The following TAB2 variants were observed in gnomAD, a reference collection of about 807,000 sequenced individuals.
The protein encoded by TAB2 is TGF-beta-activated kinase 1 and MAP3K7-binding protein 2.
A neutral mutation model predicts 65.0 loss-of-function variants in TAB2; 3 were observed. That is an observed-to-expected ratio of 0.05 (90% confidence interval 0.02 to 0.12). TAB2 has a LOEUF of 0.12. Among genes scored for constraint, TAB2 ranks in the 10% least tolerant of loss-of-function variants. The probability of loss-of-function intolerance (pLI) is 1.00; values close to 1 mark genes in which losing one functional copy is unlikely to be tolerated. For synonymous variants in TAB2, 298 were observed against 285.1 expected, an observed-to-expected ratio of 1.05 and a Z score of -0.46; for missense variants, 623 against 840.3, an observed-to-expected ratio of 0.74 and a Z score of 3.20.
chr6:149,292,253 G>A (rs890345666), intron 1 of TAB2, among the ~76,000 whole-genome samples: 3 of 152,116 alleles, frequency 2.0e-5, no homozygotes, highest in Non-Finnish European at 4.4e-5. Flanking sequence ...AGAGTAAATG[G>A]TTTAGTACAT....
Position 149,379,308 on chromosome 6 carries a change from A to G in TAB2, c.1393A>G (p.Lys465Glu). The change falls in exon 3 of 7, where the codon AAA (lysine) becomes GAA (glutamate). Residue 465 changes from lysine to glutamate, a missense_variant. By Grantham distance (56) the Lys-to-Glu change is moderately conservative. Transcript: ENST00000637181. ...TCAGCCCAATACGAAATACACTTTC[A>G]AAATTACAGTCTCTCCCAATAAGCC... ...VTQPNTKYTF[K>E]ITVSPNKPPA... 2 of 1,614,256 alleles carry G rather than the reference A, an allele frequency of 1.2e-6. No homozygotes were observed. Among genetic ancestry groups the G allele is most frequent in the Non-Finnish European group, 1.7e-6 (2 of 1,180,052 alleles).
chr6:149,405,390 A>G (rs1030426818), intron 6 of TAB2, among the ~76,000 whole-genome samples: 5 of 152,238 alleles, frequency 3.3e-5, no homozygotes, highest in African/African-American at 9.6e-5. Context: ...TGATCTCGCA[A>G]TCGCACTACT....
chr6:149,272,815 C>A (rs978619457), intron 1 of TAB2, among the ~76,000 whole-genome samples: 1 of 152,306 alleles, frequency 6.6e-6, no homozygotes, highest in Non-Finnish European at 1.5e-5. Context: ...CACGCTATTG[C>A]CACAAAATCT....
chr6:149,239,910 C>G (rs1777567317), intron 1 of TAB2, among the ~76,000 whole-genome samples: 2 of 152,180 alleles, frequency 1.3e-5, no homozygotes, highest in Non-Finnish European at 2.9e-5. Context: ...CTTTTCTGCA[C>G]AGGACCAAGG....
intron 3 of TAB2, among the ~76,000 whole-genome samples, chr6:149,390,948 A>C (rs772313172): frequency 2.0e-4 from 31 of 151,790 alleles, no homozygotes; most frequent in Non-Finnish European, 2.5e-4. Context: ...CCATCTGTTC[A>C]TTTTTCCTGG....
intron 1 of TAB2, among the ~76,000 whole-genome samples, chr6:149,285,354 C>T (rs1778658599): frequency 6.6e-6 from 1 of 152,224 alleles, no homozygotes; most frequent in African/African-American, 2.4e-5. Flanking sequence ...ACAATTGTGC[C>T]TGGAGGCTGG....
At chr6:149,242,519 T>C (rs1210550693) in intron 1 of TAB2, among the ~76,000 whole-genome samples, 1 of 152,198 alleles carries the variant, frequency 6.6e-6, no homozygotes, top group Non-Finnish European at 1.5e-5. Flanking sequence ...GAAAGAATAT[T>C]GAAGACTTCA....
intron 1 of TAB2, among the ~76,000 whole-genome samples, chr6:149,289,074 C>T (rs1778728108): frequency 2.0e-5 from 3 of 151,804 alleles, no homozygotes; most frequent in Non-Finnish European, 4.4e-5. Context: ...GGAAAGACTG[C>T]TCTCAAACTC....
intron 1 of TAB2, among the ~76,000 whole-genome samples, chr6:149,320,071 T>C (rs1045609286): frequency 6.6e-6 from 1 of 152,088 alleles, no homozygotes; most frequent in Admixed American, 6.5e-5. Flanking sequence ...TTTAATTTTG[T>C]TTTTGTTTTC....
At chr6:149,284,599 A>C (rs1187194089) in intron 1 of TAB2, among the ~76,000 whole-genome samples, 2 of 151,438 alleles carry the variant, frequency 1.3e-5, no homozygotes, top group East Asian at 3.9e-4. Flanking sequence ...AATTAGATCT[A>C]ATTTTCACTC....
intron 1 of TAB2, among the ~76,000 whole-genome samples, chr6:149,282,507 A>G (rs4897111): frequency 0.53 from 80,260 of 151,960 alleles, 23,814 homozygotes; most frequent in African/African-American, 0.81. Context: ...CTTTTGAAGT[A>G]CATATGGAAC....
chr6:149,253,958 A>AAAAGAAAGAAAGAAAGAAAG (rs545364740), intron 1 of TAB2, among the ~76,000 whole-genome samples: 16 of 76,368 alleles, frequency 2.1e-4, no homozygotes, highest in East Asian at 7.0e-4. Flanking sequence ...GAAAGAAAGA[A>AAAAGAAAGAAAGAAAGAAAG]AAAGAAAGAA....
chr6:149,323,625 T>G lies in TAB2; in HGVS notation c.-90+5610T>G, dbSNP rs115224198. ...TAAGCATTCTTCAGATGCCTAAATC[T>G]TAGTACCAGTCAACTCTTTCCTGTT... On this transcript the variant is annotated intron_variant, in intron 1 of 6. Transcript: ENST00000637181. Among the ~76,000 whole-genome samples, 1,403 of 152,256 alleles carry G rather than the reference T, an allele frequency of 9.2e-3. 21 individuals carry two copies. Among genetic ancestry groups the G allele is most frequent in the African/African-American group, 0.031 (1,300 of 41,542 alleles).
chr6:149,287,493 T>TAAAAAA (rs201156738), intron 1 of TAB2, among the ~76,000 whole-genome samples: 27,027 of 150,544 alleles, frequency 0.18, 2,580 homozygotes, highest in East Asian at 0.33. Context: ...TTTTTTTTTT[T>TAAAAAA]AAAAAGAAAG....
chr6:149,334,676 T>TAA (rs944087167), intron 1 of TAB2, among the ~76,000 whole-genome samples: 1,588 of 138,392 alleles, frequency 0.011, 32 homozygotes, highest in African/African-American at 0.04. Flanking sequence ...CCTTGTCTCT[T>TAA]AAAAAAAAAA....
intron 1 of TAB2, among the ~76,000 whole-genome samples, chr6:149,279,983 G>A (rs372654926): frequency 6.6e-6 from 1 of 152,174 alleles, no homozygotes; most frequent in South Asian, 2.1e-4. Context: ...CATCCAGTCA[G>A]CAGTTCTTTC....
chr6:149,334,210 ATCC>A (rs1377377220), intron 1 of TAB2, among the ~76,000 whole-genome samples: 1 of 152,054 alleles, frequency 6.6e-6, no homozygotes, highest in Non-Finnish European at 1.5e-5. Flanking sequence ...TAAATTCTTC[ATCC>A]TCAGGTCTCC....
intron 1 of TAB2, among the ~76,000 whole-genome samples, chr6:149,330,531 T>G (rs1562418874): frequency 6.6e-6 from 1 of 152,236 alleles, no homozygotes; most frequent in African/African-American, 2.4e-5. Context: ...CCTTAATGGC[T>G]AATGATGTTG....
chr6:149,330,078 A>T (rs1287316891), intron 1 of TAB2, among the ~76,000 whole-genome samples: 5 of 149,536 alleles, frequency 3.3e-5, no homozygotes, highest in African/African-American at 1.2e-4. Flanking sequence ...ACGTGATGTT[A>T]CCTTTGGAGA....
Sources: gnomAD v4.1 joint callset for allele counts (sites outside exome capture counted in the v4.1 genomes callset) on GRCh38, gnomAD v4.1.1 for gene constraint, MANE v1.5 for transcripts, NCBI Gene and HGNC (gene_info 2026-07-23, HGNC 2026-07-21) for gene names.